The following RASGRF1 variants were observed in gnomAD, a reference collection of about 807,000 sequenced individuals.
RASGRF1 encodes ras-specific guanine nucleotide-releasing factor 1.
Under a neutral mutation model 138.7 loss-of-function variants are expected in RASGRF1, and 40 were observed. The observed-to-expected ratio is 0.29, with a 90% CI of 0.22 to 0.38. RASGRF1 has a LOEUF of 0.38. Among genes scored for constraint, RASGRF1 ranks in the 10% least tolerant of loss-of-function variants. The probability of loss-of-function intolerance (pLI) is 1.00; values close to 1 mark genes in which losing one functional copy is unlikely to be tolerated. For synonymous variants in RASGRF1, 614 were observed against 663.2 expected, an observed-to-expected ratio of 0.93 and a Z score of 1.14; for missense variants, 1,108 against 1,650.4, an observed-to-expected ratio of 0.67 and a Z score of 5.69.
intron 1 of RASGRF1, among the ~76,000 whole-genome samples, chr15:79,070,821 G>A (rs976891732): frequency 2.0e-5 from 3 of 152,194 alleles, no homozygotes; most frequent in Non-Finnish European, 4.4e-5. Flanking sequence ...TTCTTGGCTA[G>A]TATGGGCTTG....
chr15:79,038,492 C>T (rs753016598), intron 5 of RASGRF1, among the ~76,000 whole-genome samples: 1 of 152,158 alleles, frequency 6.6e-6, no homozygotes, highest in Non-Finnish European at 1.5e-5. Context: ...CTCATATTGA[C>T]TTGATTTGCT....
At chr15:78,998,937 G>T (rs1459701480) in intron 17 of RASGRF1, 112 bp from the exon 18 acceptor site, 4 of 763,376 alleles carry the variant, frequency 5.2e-6, no homozygotes, top group African/African-American at 1.7e-5. Flanking sequence ...GAGTGAGGGG[G>T]TCATGGGCAG....
intron 23 of RASGRF1, chr15:78,984,651 A>T (rs1415424721): frequency 1.7e-5 from 5 of 298,088 alleles, no homozygotes; most frequent in Non-Finnish European, 3.3e-5. Flanking sequence ...GGGTCCTCTG[A>T]TGGAAGGGTC....
chr15:79,014,970 A>C (rs4778592), intron 13 of RASGRF1, among the ~76,000 whole-genome samples: 70,209 of 150,278 alleles, frequency 0.47, 17,560 homozygotes, highest in East Asian at 0.82. Context: ...ACAAAACAAA[A>C]CAAAAAAAGG....
At chr15:78,971,518 G>T (rs1404342122) in intron 26 of RASGRF1, among the ~76,000 whole-genome samples, 12 of 152,140 alleles carry the variant, frequency 7.9e-5, no homozygotes, top group Admixed American at 7.9e-4. Context: ...GGTGGCTGGG[G>T]GACATTTCAC....
rs778369712 is a variant in RASGRF1 at position 79,090,272 on chromosome 15, G to T, written c.227C>A (p.Ala76Glu). The change falls in exon 1 of 27, where the codon GCG becomes GAG. Residue 76 changes from alanine (A) to glutamate (E), a missense_variant. Ala to Glu is a moderately radical substitution (Grantham distance 107). Around this residue, in one of 3 missense-constraint regions of RASGRF1, gnomAD observed 253 missense variants for 329.5 expected, o/e 0.77. Transcript: ENST00000558480. ...YLLEGCVCDR[A>E]PSPKPALSAK... ...CGACAGCGCCGGCTTGGGGGAGGGCGCGCGGTCGCAGACGCAGCCCTCCAG... is the reference window on the plus strand; with the variant it reads ...CGACAGCGCCGGCTTGGGGGAGGGCTCGCGGTCGCAGACGCAGCCCTCCAG... The T allele has an allele frequency of 1.9e-6, 3 of 1,611,314 alleles. No homozygotes were observed. The highest frequency in any genetic ancestry group is 1.7e-6 in the Non-Finnish European group (2 of 1,179,354).
chr15:78,963,100 CCT>C (rs1171805688), intron 26 of RASGRF1, among the ~76,000 whole-genome samples: 1 of 151,968 alleles, frequency 6.6e-6, no homozygotes, highest in Non-Finnish European at 1.5e-5. Flanking sequence ...CCTGTCTTCT[CCT>C]CTCTCCCCAC....
At chr15:79,080,710 G>C (rs2057903416) in intron 1 of RASGRF1, among the ~76,000 whole-genome samples, 1 of 151,996 alleles carries the variant, frequency 6.6e-6, no homozygotes, top group African/African-American at 2.4e-5. Context: ...AGTATCTTTT[G>C]GAAAATAATT....
Position 78,985,067 on chromosome 15 carries a change from C to G in RASGRF1, c.3354G>C (p.Ser1118=). Residue 1118 remains serine (S), a synonymous_variant, in exon 23 of 27, where the codon TCG becomes TCC. Coordinates refer to ENST00000558480, the MANE Select transcript of RASGRF1 (RefSeq NM_001145648.3). Reference sequence around the variant, plus strand: ...GGAAGATTGCACTGCGGTTCATGGACGAGGTGATCTCCAGTACGGCATTGT... The same window carrying G: ...GGAAGATTGCACTGCGGTTCATGGAGGAGGTGATCTCCAGTACGGCATTGT... ...HNYNAVLEIT[S]SMNRSAIFRL... is the part of the protein sequence containing the mutation. 6.2e-7 allele frequency: 1 copy of G among 1,614,060 alleles called. No individual in the cohort carries two copies. The highest frequency in any genetic ancestry group is 8.5e-7 in the Non-Finnish European group (1 of 1,179,996).
At chr15:79,041,766 C>G (rs984917972) in intron 5 of RASGRF1, among the ~76,000 whole-genome samples, 19 of 152,200 alleles carry the variant, frequency 1.2e-4, no homozygotes, top group African/African-American at 4.3e-4. Flanking sequence ...CCCCCTCACT[C>G]TTGCCCCCAC....
At position 79,006,625 on chromosome 15, in the gene RASGRF1, C is replaced by T. The variant is rs76853301; in HGVS notation, c.1827-191G>A. On this transcript the variant is annotated intron_variant, in intron 13 of 26. Transcript: ENST00000558480. This position sits in a 1 kb window ranked among gnomAD's most constrained non-coding sequence, Gnocchi z 4.0. ...TTTTCCCAATATCCTAAAAACTCTC[C>T]ATTATAAAACCCCTAGAAATACTGG... 3.2e-3 allele frequency among the ~76,000 whole-genome samples: 487 copies of T among 152,290 alleles called. 4 individuals carry two copies. The highest frequency in any genetic ancestry group is 0.012 in the African/African-American group (478 of 41,550).
At chr15:78,980,597 G>A in intron 24 of RASGRF1, 23 bp downstream of exon 24, 2 of 1,560,180 alleles carry the variant, frequency 1.3e-6, no homozygotes, top group Non-Finnish European at 8.8e-7. Flanking sequence ...AAAAATAACA[G>A]CGACAAAACG....
At chr15:78,975,480 A>G (rs1289496462) in intron 24 of RASGRF1, among the ~76,000 whole-genome samples, 1 of 147,906 alleles carries the variant, frequency 6.8e-6, no homozygotes, top group Non-Finnish European at 1.5e-5. Context: ...CATGATTATT[A>G]CATGCACAGG....
intron 24 of RASGRF1, among the ~76,000 whole-genome samples, chr15:78,978,225 T>TTTTC (rs2055920601): frequency 5.3e-5 from 3 of 56,164 alleles, no homozygotes; most frequent in Admixed American, 2.2e-4. Context: ...CTTTTGTTTT[T>TTTTC]TTTTTTTTTT....
At chr15:78,979,033 C>T (rs921190283) in intron 24 of RASGRF1, 20 of 1,292,910 alleles carry the variant, frequency 1.5e-5, no homozygotes, top group Middle Eastern at 4.3e-4. Context: ...CGGCGGCAGA[C>T]GAGGAAGCCA....
chr15:78,968,074 TA>T (rs11343140), intron 26 of RASGRF1, among the ~76,000 whole-genome samples: 50,547 of 151,304 alleles, frequency 0.33, 8,670 homozygotes, highest in Middle Eastern at 0.43. Context: ...CTTATTTTAT[TA>T]TTTTTTTTTG....
At chr15:79,002,672 A>G (rs559158671) in intron 15 of RASGRF1, among the ~76,000 whole-genome samples, 2 of 152,318 alleles carry the variant, frequency 1.3e-5, no homozygotes, top group East Asian at 3.9e-4. Context: ...ACATTTCAGA[A>G]TGTGAAATTA....
Position 79,032,492 on chromosome 15 carries a change from T to C in RASGRF1, c.959-176A>G, listed in dbSNP as rs1260264687. On this transcript the variant is annotated intron_variant, in intron 6 of 26. Coordinates refer to ENST00000558480, the MANE Select transcript of RASGRF1 (RefSeq NM_001145648.3). The surrounding 1 kb of genome is among the most constrained non-coding windows in gnomAD (Gnocchi z 4.5). The stretch of plus-strand genomic sequence containing the variant: ...CCAGTACCACTGCCCTATCCAGTGC[T>C]AGTAGGTGGGCCCCCATCATTGGGA... Among the ~76,000 whole-genome samples the C allele has an allele frequency of 6.6e-6, 1 of 152,136 alleles. No individual in the cohort carries two copies. The highest frequency in any genetic ancestry group is 1.5e-5 in the Non-Finnish European group (1 of 68,002).
At position 79,082,039 on chromosome 15, in the gene RASGRF1, C is replaced by T. The variant is rs75225097; in HGVS notation, c.276+8184G>A. On this transcript the variant is annotated intron_variant, in intron 1 of 26. Transcript: ENST00000558480. ...GCTTACACTCACACCACATACTATCCGTGTCCTCATGAAACCACCATAAAA... is the reference window on the plus strand; with the variant it reads ...GCTTACACTCACACCACATACTATCTGTGTCCTCATGAAACCACCATAAAA... Among the ~76,000 whole-genome samples, 750 of 152,288 alleles carry T rather than the reference C, an allele frequency of 4.9e-3. 6 individuals carry two copies. The highest frequency in any genetic ancestry group is 9.1e-3 in the Non-Finnish European group (619 of 68,020).
Sources: allele counts gnomAD v4.1 joint callset (sites outside exome capture counted in the v4.1 genomes callset), GRCh38; gene constraint gnomAD v4.1.1; regional missense constraint gnomAD v4.1.1; non-coding constraint Gnocchi (gnomAD v3.1); transcripts MANE v1.5; gene names NCBI Gene and HGNC (gene_info 2026-07-23, HGNC 2026-07-21).